Variants in AURKB observed in about 807,000 individuals in gnomAD.
The protein encoded by AURKB is aurora kinase B, also known as aurora kinase B-Sv1.
AURKB carries 28 observed loss-of-function variants against 36.5 expected under a neutral mutation model. The ratio of observed to expected loss-of-function variants is 0.77; its 90% CI spans 0.57 to 1.05. AURKB has a LOEUF of 1.05. Ranked by LOEUF, AURKB falls within the 50% of genes least tolerant of loss-of-function variation. The pLI, the probability that AURKB is intolerant of heterozygous loss-of-function variation, is 0.00. For synonymous variants in AURKB, 175 were observed against 172.9 expected, an observed-to-expected ratio of 1.01 and a Z score of -0.09; for missense variants, 383 against 447.4, an observed-to-expected ratio of 0.86 and a Z score of 1.30.
At chr17:8,205,752 A>G (rs1985175481) in intron 7 of AURKB, among the ~76,000 whole-genome samples, 3 of 151,968 alleles carry the variant, frequency 2.0e-5, no homozygotes, top group Non-Finnish European at 4.4e-5. Context: ...ATGTGGGAGG[A>G]AAAAAGGCCA....
chr17:8,210,525 C>A lies in AURKB; in HGVS notation c.-26+5G>T. The A allele has an allele frequency of 2.1e-6, 1 of 465,722 alleles. No individual in the cohort carries two copies. Among genetic ancestry groups the A allele is most frequent in the South Asian group, 2.6e-5 (1 of 37,992 alleles). The allele number at this position is 465,722 out of a possible 1,614,324, so 28.8% of individuals were successfully genotyped here. Reference sequence around the variant, plus strand: ...CGCAAGGCCTGCGACAGGAGGCCAGCTCACCTGGGGTCCAAGGCACTGCTA... The same window carrying A: ...CGCAAGGCCTGCGACAGGAGGCCAGATCACCTGGGGTCCAAGGCACTGCTA... On this transcript the variant is annotated splice_donor_5th_base_variant and intron_variant, in intron 1 of 8. Transcript: ENST00000585124.
Position 8,205,153 on chromosome 17 carries a change from C to T in AURKB, c.861+63G>A. On this transcript the variant is annotated intron_variant, in intron 8 of 8. Transcript: ENST00000585124. ...TTAGGGCCATGCAAATACACTCTGCCCACCCCCAGCCCCCCAGCTCCTGGC... is the reference window on the plus strand; with the variant it reads ...TTAGGGCCATGCAAATACACTCTGCTCACCCCCAGCCCCCCAGCTCCTGGC... 2.3e-5 allele frequency: 36 copies of T among 1,556,434 alleles called. No homozygotes were observed. In the South Asian group the frequency reaches 4.4e-4, roughly 19 times the overall value.
chr17:8,205,412 G>C, intron 7 of AURKB, 22 bp from the exon 8 acceptor site: 4 of 1,612,050 alleles, frequency 2.5e-6, no homozygotes, highest in Non-Finnish European at 3.4e-6. Flanking sequence ...AAGGGGCGTG[G>C]GCAGGGGTCC....
chr17:8,208,401 G>T (rs1269159992), intron 2 of AURKB, among the ~76,000 whole-genome samples: 1 of 150,756 alleles, frequency 6.6e-6, no homozygotes, highest in Non-Finnish European at 1.5e-5. Context: ...CTCCAGCCTG[G>T]GCAACAGAGC....
chr17:8,205,539 G>C, intron 7 of AURKB, 149 bp from the exon 8 acceptor site: 1 of 938,836 alleles, frequency 1.1e-6, no homozygotes. Flanking sequence ...GGTGGGGTTG[G>C]GGTGATGATA....
intron 2 of AURKB, among the ~76,000 whole-genome samples, chr17:8,208,545 C>T (rs1839668198): frequency 1.3e-5 from 2 of 151,596 alleles, no homozygotes; most frequent in Non-Finnish European, 2.9e-5. Flanking sequence ...GAGCTGAGAT[C>T]GCACCATTGC....
chr17:8,206,962 G>C lies in AURKB; in HGVS notation c.399-74C>G. 1.2e-6 allele frequency: 2 copies of C among 1,603,488 alleles called. No homozygotes were observed. The highest frequency in any genetic ancestry group is 1.7e-6 in the Non-Finnish European group (2 of 1,176,052). ...GGAAAAGATGATAGGAGCAAACTGG[G>C]GTCAGACGTGGCCCAGGCCGGGGAC... On this transcript the variant is annotated intron_variant, in intron 5 of 8. Transcript: ENST00000585124. The surrounding 1 kb of genome is among the most constrained non-coding windows in gnomAD (Gnocchi z 4.2).
Position 8,207,833 on chromosome 17 carries a change from G to C in AURKB, c.56C>G (p.Ser19Cys). 1 of 1,612,300 alleles carries C rather than the reference G, an allele frequency of 6.2e-7. No individual in the cohort carries two copies. Among genetic ancestry groups the C allele is most frequent in the Non-Finnish European group, 8.5e-7 (1 of 1,179,212 alleles). ...TCGCTGGGGCAGGGTGCTCAGGCCA[G>C]ATGGAGCCTGAGAAGGAGCAGGGGG... ...PWPYGRQTAP[S>C]GLSTLPQRVL... Residue 19 changes from serine to cysteine, a missense_variant, in exon 3 of 9, where the codon TCT (serine) becomes TGT (cysteine). Physicochemically the swap from Ser to Cys is moderately radical, Grantham distance 112. Transcript: ENST00000585124.
Position 8,207,370 on chromosome 17 carries a change from G to T in AURKB, c.207-3C>A. 1 of 1,611,010 alleles carries T rather than the reference G, an allele frequency of 6.2e-7. No homozygotes were observed. The highest frequency in any genetic ancestry group is 8.5e-7 in the Non-Finnish European group (1 of 1,177,412). On this transcript the variant is annotated splice_polypyrimidine_tract_variant and splice_region_variant and intron_variant, in intron 4 of 8. Coordinates refer to ENST00000585124, the MANE Select transcript of AURKB (RefSeq NM_004217.4). The stretch of plus-strand genomic sequence containing the variant: ...AGTCATCAATTGTGAAGTGCCGCCT[G>T]CTTAGAAAGTGGAGGAAGGCAACTC...
intron 2 of AURKB, among the ~76,000 whole-genome samples, chr17:8,209,428 G>T (rs1225294008): frequency 1.3e-5 from 2 of 152,210 alleles, no homozygotes; most frequent in Non-Finnish European, 2.9e-5. Context: ...CTCCATGAGG[G>T]AGGGAGCTGA....
chr17:8,207,719 TC>T lies in AURKB; in HGVS notation c.151+18del. 6.2e-7 allele frequency: 1 copy of T among 1,613,748 alleles called. No individual in the cohort carries two copies. The highest frequency in any genetic ancestry group is 1.1e-5 in the South Asian group (1 of 91,070). The stretch of plus-strand genomic sequence containing the variant: ...CGGTCATCTCCCCAGCTCAGTCCTC[TC>T]CCCCTTGCGCCAGTTACCTGTGGGC... On this transcript the variant is annotated intron_variant, in intron 3 of 8. Transcript: ENST00000585124.
At chr17:8,209,899 G>A in intron 2 of AURKB, 1 of 534,416 alleles carries the variant, frequency 1.9e-6, no homozygotes, top group East Asian at 3.4e-5. Flanking sequence ...GCCAGGCCCT[G>A]CCTGCTCAGT....
In AURKB at chr17:8,204,763, A is replaced by G. The variant is rs1039632701; in HGVS notation, c.*108T>C. The G allele has an allele frequency of 4.1e-6, 6 of 1,455,012 alleles. No individual in the cohort carries two copies. The highest frequency in any genetic ancestry group is 1.4e-5 in the African/African-American group (1 of 69,772). 90.1% of individuals were successfully genotyped at this position (1,455,012 alleles called of 1,614,324 possible). ...TACAAAAAGCTTCAGCCTTTATTAAACAAAGGAGGAGGTAGAAAACAGATA... is the reference window on the plus strand; with the variant it reads ...TACAAAAAGCTTCAGCCTTTATTAAGCAAAGGAGGAGGTAGAAAACAGATA... On this transcript the variant is annotated 3_prime_UTR_variant, in exon 9 of 9. Transcript: ENST00000585124.
Position 8,206,926 on chromosome 17 carries a change from A to T in AURKB, c.399-38T>A, listed in dbSNP as rs532386504. 1.2e-6 allele frequency: 2 copies of T among 1,613,456 alleles called. No homozygotes were observed. The highest frequency in any genetic ancestry group is 4.5e-5 in the East Asian group (2 of 44,898). ...ACAGAGGAGGCCTCAGGCCAAAGGCATAAAAGAGCTGGAAAAGATGATAGG... is the reference window on the plus strand; with the variant it reads ...ACAGAGGAGGCCTCAGGCCAAAGGCTTAAAAGAGCTGGAAAAGATGATAGG... On this transcript the variant is annotated intron_variant, in intron 5 of 8. Coordinates refer to ENST00000585124, the MANE Select transcript of AURKB (RefSeq NM_004217.4). This position sits in a 1 kb window ranked among gnomAD's most constrained non-coding sequence, Gnocchi z 4.2.
chr17:8,205,500 G>A (rs1468050474), intron 7 of AURKB, 110 bp from the exon 8 acceptor site: 6 of 1,389,092 alleles, frequency 4.3e-6, no homozygotes, highest in Non-Finnish European at 5.9e-6. Context: ...CAGGGGAGAG[G>A]TCCAGCCAGG....
Position 8,206,831 on chromosome 17 carries a change from C to G in AURKB, c.456G>C (p.Leu152Phe). ...NYFYDRRRIY[L>F]ILEYAPRGEL... The stretch of plus-strand genomic sequence containing the variant: ...CCCCGCGGGGGGCATACTCTAGAAT[C>G]AAGTAGATCCTCCTCCGGTCATAAA... The change falls in exon 6 of 9, where the codon TTG (leucine) becomes TTC (phenylalanine). Residue 152 changes from leucine to phenylalanine, a missense_variant. Physicochemically the swap from Leu to Phe is conservative, Grantham distance 22 (BLOSUM62 0). Transcript: ENST00000585124. This position sits in a 1 kb window ranked among gnomAD's most constrained non-coding sequence, Gnocchi z 4.2. 1 of 1,614,212 alleles carries G rather than the reference C, an allele frequency of 6.2e-7. No homozygotes were observed. The highest frequency in any genetic ancestry group is 8.5e-7 in the Non-Finnish European group (1 of 1,180,028).
intron 2 of AURKB, among the ~76,000 whole-genome samples, chr17:8,208,599 A>C (rs910419555): frequency 8.6e-5 from 12 of 140,184 alleles, no homozygotes; most frequent in South Asian, 2.1e-4. Flanking sequence ...TCAAAAAATA[A>C]ATAAATAAAT....
rs566454437 is a variant in AURKB, at chr17:8,204,889, G to A, written c.1017C>T (p.Ala339=). Residue 339 remains alanine (A), a synonymous_variant, in exon 9 of 9, where the codon GCC becomes GCT. Coordinates refer to ENST00000585124, the MANE Select transcript of AURKB (RefSeq NM_004217.4). ...GGGACCATCAGGCGACAGATTGAAG[G>A]GCAGAGGGAGGCAGCACCCTCCGAG... ...ANSRRVLPPS[A]LQSVA is the part of the protein sequence containing the mutation. 14 of 1,609,036 alleles carry A rather than the reference G, an allele frequency of 8.7e-6. No homozygotes were observed. The Admixed American group carries it at 1.7e-4, about 20-fold the overall frequency.
intron 7 of AURKB, 101 bp from the exon 8 acceptor site, chr17:8,205,491 A>G (rs1985130635): frequency 6.9e-7 from 1 of 1,454,036 alleles, no homozygotes; most frequent in Admixed American, 1.9e-5. Flanking sequence ...GGGATGTACC[A>G]GGGGAGAGGT....
Sources: gnomAD v4.1 joint callset for allele counts (sites outside exome capture counted in the v4.1 genomes callset) on GRCh38, gnomAD v4.1.1 for gene constraint, Gnocchi (gnomAD v3.1) non-coding constraint, MANE v1.5 for transcripts, NCBI Gene and HGNC (gene_info 2026-07-23, HGNC 2026-07-21) for gene names.